The following COL14A1 variants were observed in gnomAD, a reference collection of about 807,000 sequenced individuals.
COL14A1 encodes the protein collagen alpha-1(XIV) chain.
COL14A1 carries 136 observed loss-of-function variants against 230.3 expected under a neutral mutation model. The ratio of observed to expected loss-of-function variants is 0.59; its 90% CI spans 0.51 to 0.68. The LOEUF (loss-of-function observed/expected upper bound fraction) is 0.68. COL14A1 is among the 30% of genes least tolerant of loss of function. The pLI, the probability that COL14A1 is intolerant of heterozygous loss-of-function variation, is 0.00. For synonymous variants in COL14A1, 792 were observed against 784.1 expected, an observed-to-expected ratio of 1.01 and a Z score of -0.17; for missense variants, 1,976 against 2,215.8, an observed-to-expected ratio of 0.89 and a Z score of 2.17.
intron 37 of COL14A1, among the ~76,000 whole-genome samples, chr8:120,310,654 A>G (rs991583632): frequency 2.0e-5 from 3 of 152,220 alleles, no homozygotes; most frequent in African/African-American, 7.2e-5. Context: ...AAGCCCAGTC[A>G]CTAATGGAGT....
chr8:120,158,092 G>A (rs749845782), intron 2 of COL14A1, 38 bp from the exon 3 acceptor site: 53 of 1,128,558 alleles, frequency 4.7e-5, no homozygotes, highest in Non-Finnish European at 6.8e-5. Context: ...AAGCTTAAAT[G>A]TTACAATGTT....
chr8:120,284,185 G>A (rs912549920), intron 32 of COL14A1, among the ~76,000 whole-genome samples: 5 of 152,202 alleles, frequency 3.3e-5, no homozygotes, highest in African/African-American at 1.2e-4. Context: ...ATTGACAGCA[G>A]CATATTTAGA....
intron 5 of COL14A1, among the ~76,000 whole-genome samples, chr8:120,180,870 G>C (rs1816444298): frequency 6.6e-6 from 1 of 152,074 alleles, no homozygotes; most frequent in African/African-American, 2.4e-5. Flanking sequence ...AACATGCCCA[G>C]CTCATTTTTG....
In COL14A1 at chr8:120,285,952, T is replaced by G. The variant is rs748911725; in HGVS notation, c.4059T>G (p.Phe1353Leu). ...TFEGPEIRKI[F>L]YGSFHKLHIV... ...AAGGACCTGAAATTAGGAAAATTTT[T>G]TATGGAAGCTTTCACAAGGTTAGTA... Residue 1353 changes from phenylalanine to leucine, a missense_variant, in exon 33 of 48, where the codon TTT becomes TTG. By Grantham distance (22) the Phe-to-Leu change is conservative. Coordinates refer to ENST00000297848, the MANE Select transcript of COL14A1 (RefSeq NM_021110.4). 2 of 1,584,512 alleles carry G rather than the reference T, an allele frequency of 1.3e-6. No individual in the cohort carries two copies. The highest frequency in any genetic ancestry group is 1.7e-5 in the Admixed American group (1 of 59,840).
chr8:120,289,342 T>C (rs1381081661), intron 33 of COL14A1, among the ~76,000 whole-genome samples: 2 of 152,168 alleles, frequency 1.3e-5, no homozygotes, highest in Non-Finnish European at 2.9e-5. Context: ...GCGATTGCTC[T>C]CGAGTTAGGC....
At chr8:120,281,232 G>A (rs555429440) in intron 31 of COL14A1, among the ~76,000 whole-genome samples, 173 bp downstream of exon 31, 1 of 152,064 alleles carries the variant, frequency 6.6e-6, no homozygotes, top group East Asian at 1.9e-4. Flanking sequence ...CACATAATGC[G>A]GGTTGAACTT....
At chr8:120,149,756 G>A (rs1180307414) in intron 2 of COL14A1, among the ~76,000 whole-genome samples, 5 of 150,130 alleles carry the variant, frequency 3.3e-5, no homozygotes, top group African/African-American at 7.4e-5. Flanking sequence ...GGCAAATGGC[G>A]CAGTCTCGGC....
intron 42 of COL14A1, among the ~76,000 whole-genome samples, chr8:120,340,746 G>A (rs1282345616): frequency 3.3e-5 from 5 of 152,172 alleles, no homozygotes; most frequent in Middle Eastern, 6.3e-3. Context: ...TAAATCAATT[G>A]AGAAGTCACA....
At chr8:120,261,317 C>T (rs1396406296) in intron 23 of COL14A1, among the ~76,000 whole-genome samples, 1 of 152,112 alleles carries the variant, frequency 6.6e-6, no homozygotes, top group African/African-American at 2.4e-5. Flanking sequence ...AGTTTCTTCT[C>T]TTTAAATTGG....
chr8:120,269,446 A>G (rs976404322), intron 25 of COL14A1, among the ~76,000 whole-genome samples: 1 of 151,776 alleles, frequency 6.6e-6, no homozygotes, highest in South Asian at 2.1e-4. Context: ...ATTTCTTGAC[A>G]TATATCAGTG....
chr8:120,178,851 G>A (rs952881179), intron 5 of COL14A1, among the ~76,000 whole-genome samples: 5 of 150,928 alleles, frequency 3.3e-5, no homozygotes, highest in Admixed American at 3.3e-4. Context: ...TTTTTTTCAT[G>A]TTTGTTGCCT....
chr8:120,164,798 G>A (rs925889419), intron 4 of COL14A1, among the ~76,000 whole-genome samples: 2 of 152,182 alleles, frequency 1.3e-5, no homozygotes, highest in Non-Finnish European at 2.9e-5. Context: ...TGCATGAGTT[G>A]CTGAAATAAC....
At chr8:120,128,351 G>A (rs1814421299) in intron 1 of COL14A1, among the ~76,000 whole-genome samples, 1 of 152,088 alleles carries the variant, frequency 6.6e-6, no homozygotes. Context: ...GTTACTTGGG[G>A]AAGAAAATAA....
intron 36 of COL14A1, among the ~76,000 whole-genome samples, chr8:120,304,774 A>G (rs930356087): frequency 2.0e-5 from 3 of 152,198 alleles, no homozygotes; most frequent in Non-Finnish European, 4.4e-5. Context: ...TCATTTAAGA[A>G]TAACACCCAG....
intron 19 of COL14A1, among the ~76,000 whole-genome samples, chr8:120,239,490 G>C (rs1187584731): frequency 6.6e-6 from 1 of 152,130 alleles, no homozygotes; most frequent in Non-Finnish European, 1.5e-5. Flanking sequence ...GGCTGATGGA[G>C]GAAATATTAC....
At chr8:120,269,864 A>T (rs746965544) in intron 25 of COL14A1, among the ~76,000 whole-genome samples, 171 bp from the exon 26 acceptor site, 1 of 151,824 alleles carries the variant, frequency 6.6e-6, no homozygotes, top group Non-Finnish European at 1.5e-5. Context: ...GAGTAATTAC[A>T]GCAAAGAAGC....
At chr8:120,203,662 C>T (rs770687485) in intron 8 of COL14A1, 47 bp from the exon 9 acceptor site, 3 of 1,598,716 alleles carry the variant, frequency 1.9e-6, no homozygotes, top group South Asian at 1.1e-5. Context: ...TCACTCTTTC[C>T]AAGGGGGCAT....
intron 42 of COL14A1, 77 bp from the exon 43 acceptor site, chr8:120,341,248 A>G (rs771056471): frequency 4.4e-5 from 63 of 1,423,630 alleles, no homozygotes; most frequent in Non-Finnish European, 6.1e-5. Flanking sequence ...TCTTAATAAA[A>G]TAAGAAAAGA....
chr8:120,144,274 T>C (rs1480836743), intron 1 of COL14A1, among the ~76,000 whole-genome samples: 1 of 152,194 alleles, frequency 6.6e-6, no homozygotes, highest in Non-Finnish European at 1.5e-5. Flanking sequence ...GATATGTCAT[T>C]ACTATCTCTA....
Sources: gnomAD v4.1 joint callset for allele counts (sites outside exome capture counted in the v4.1 genomes callset) on GRCh38, gnomAD v4.1.1 for gene constraint, MANE v1.5 for transcripts, NCBI Gene and HGNC (gene_info 2026-07-23, HGNC 2026-07-21) for gene names.